NBEAL1: variants seen among roughly 807,000 people sequenced by gnomAD.
The protein encoded by NBEAL1 is neurobeachin-like protein 1.
In NBEAL1, 273 loss-of-function variants were observed where a neutral mutation model predicts 351.3. That is an observed-to-expected ratio of 0.78 (90% CI 0.70 to 0.86). NBEAL1 has a LOEUF of 0.86. Ranked by LOEUF, NBEAL1 falls within the 40% of genes least tolerant of loss-of-function variation. NBEAL1 has a pLI of 0.00. For synonymous variants in NBEAL1, 1,050 were observed against 1,086.4 expected (o/e 0.97, Z 0.66); for missense variants, 2,961 against 3,201.3 (o/e 0.92, Z 1.81).
chr2:203,184,299 C>T lies in NBEAL1; in HGVS notation c.6705+911C>T, dbSNP rs747352806. 9.6e-4 allele frequency among the ~76,000 whole-genome samples: 145 copies of T among 151,696 alleles called. 1 individual carries two copies. Among genetic ancestry groups the T allele is most frequent in the Non-Finnish European group, 1.8e-3 (121 of 67,970 alleles). On this transcript the variant is annotated intron_variant, in intron 44 of 55. Coordinates refer to ENST00000683969, the MANE Select transcript of NBEAL1 (RefSeq NM_001378026.1). Reference sequence around the variant, plus strand: ...TACAAAAATTAGGTGGGTGTGTTGGCGGGTGCCTGTAATCCCAGCTACTCA... The same window carrying T: ...TACAAAAATTAGGTGGGTGTGTTGGTGGGTGCCTGTAATCCCAGCTACTCA...
intron 7 of NBEAL1, among the ~76,000 whole-genome samples, chr2:203,074,453 G>A (rs901664084): frequency 6.6e-6 from 1 of 150,630 alleles, no homozygotes; most frequent in East Asian, 2.0e-4. Context: ...TCAGCCTCTC[G>A]AGTAGCTGGG....
At chr2:203,140,672 G>T (rs1450958733) in intron 31 of NBEAL1, among the ~76,000 whole-genome samples, 5 of 151,668 alleles carry the variant, frequency 3.3e-5, no homozygotes, top group African/African-American at 7.3e-5. Flanking sequence ...TATGAACTAA[G>T]AACTTAAAAA....
At chr2:203,111,881 A>T in intron 15 of NBEAL1, 98 bp from the exon 16 acceptor site, 1 of 1,310,052 alleles carries the variant, frequency 7.6e-7, no homozygotes, top group South Asian at 1.4e-5. Context: ...TTAACGTTCT[A>T]CTATTTGTAC....
intron 7 of NBEAL1, among the ~76,000 whole-genome samples, chr2:203,073,993 G>A (rs951665056): frequency 1.3e-5 from 2 of 152,060 alleles, no homozygotes; most frequent in Non-Finnish European, 2.9e-5. Context: ...ACAAAATTTC[G>A]GTTAGGAAGA....
At chr2:203,145,184 C>G (rs757102155) in intron 33 of NBEAL1, 24 bp downstream of exon 33, 1 of 1,582,928 alleles carries the variant, frequency 6.3e-7, no homozygotes. Context: ...GTTTTAATAT[C>G]TAGTTTTTCT....
intron 6 of NBEAL1, among the ~76,000 whole-genome samples, chr2:203,058,637 C>T (rs2061445514): frequency 6.6e-6 from 1 of 152,190 alleles, no homozygotes; most frequent in South Asian, 2.1e-4. Flanking sequence ...ACTGCCATTA[C>T]TACAATTAAG....
At chr2:203,048,632 A>G (rs2061270501) in intron 3 of NBEAL1, among the ~76,000 whole-genome samples, 1 of 152,148 alleles carries the variant, frequency 6.6e-6, no homozygotes, top group Admixed American at 6.5e-5. Flanking sequence ...CAGCGTCCAT[A>G]GGGAACTTCA....
intron 44 of NBEAL1, among the ~76,000 whole-genome samples, chr2:203,186,484 A>G (rs922056508): frequency 6.6e-6 from 1 of 152,240 alleles, no homozygotes; most frequent in Non-Finnish European, 1.5e-5. Context: ...ATAGCAATTC[A>G]GAATTCCAGT....
chr2:203,187,653 A>T (rs2064943784), intron 44 of NBEAL1, among the ~76,000 whole-genome samples: 1 of 151,692 alleles, frequency 6.6e-6, no homozygotes, highest in African/African-American at 2.4e-5. Flanking sequence ...AGGCAGGAGA[A>T]TCTCTTGAAC....
chr2:203,108,208 A>G lies in NBEAL1; in HGVS notation c.1949+20A>G, dbSNP rs1243450935. 13 of 1,462,100 alleles carry G rather than the reference A, an allele frequency of 8.9e-6. No individual in the cohort carries two copies. Among genetic ancestry groups the G allele is most frequent in the African/African-American group, 1.4e-5 (1 of 70,668 alleles). The allele number at this position is 1,462,100 out of a possible 1,614,324, so 90.6% of individuals were successfully genotyped here. ...GTACAGGTATTGGTAAAAATTATGG[A>G]ATATAAATGAATACTGTCATAACAA... On this transcript the variant is annotated intron_variant, in intron 14 of 55. Transcript: ENST00000683969.
rs1003349971 is a variant in NBEAL1, at chr2:203,221,510, A to G, written c.*4156A>G. On this transcript the variant is annotated 3_prime_UTR_variant, in exon 56 of 56. Transcript: ENST00000683969. ...ACCTATCTTTAGGATACAGTTTTTG[A>G]CTGGGATATAAGAAATGAAACATGT... Among the ~76,000 whole-genome samples, 2 of 152,002 alleles carry G rather than the reference A, an allele frequency of 1.3e-5. No individual in the cohort carries two copies. Among genetic ancestry groups the G allele is most frequent in the African/African-American group, 4.8e-5 (2 of 41,392 alleles).
chr2:203,061,691 T>G (rs2106107924), intron 6 of NBEAL1: 1 of 159,934 alleles, frequency 6.3e-6, no homozygotes, highest in Non-Finnish European at 1.4e-5. Flanking sequence ...TCGAAGGGCG[T>G]AGGAAGAAGC....
chr2:203,153,735 A>T (rs1340295005), intron 35 of NBEAL1, among the ~76,000 whole-genome samples: 1 of 152,162 alleles, frequency 6.6e-6, no homozygotes, highest in East Asian at 1.9e-4. Flanking sequence ...ACTATCATTA[A>T]CACCCAACAA....
At chr2:203,076,220 C>T (rs2061768796) in intron 7 of NBEAL1, among the ~76,000 whole-genome samples, 1 of 152,090 alleles carries the variant, frequency 6.6e-6, no homozygotes, top group Admixed American at 6.6e-5. Context: ...CAGTGGCTCA[C>T]CCTTGTACTC....
At chr2:203,199,660 T>C (rs1045000217) in intron 49 of NBEAL1, among the ~76,000 whole-genome samples, 12 of 152,022 alleles carry the variant, frequency 7.9e-5, no homozygotes, top group Admixed American at 6.6e-5. Context: ...TTTTTGTTGT[T>C]AGTAGAAATT....
chr2:203,084,725 TTAA>T (rs2061932806), intron 10 of NBEAL1, 156 bp downstream of exon 10: 1 of 455,078 alleles, frequency 2.2e-6, no homozygotes, highest in East Asian at 3.6e-5. Flanking sequence ...GAAACTAGTA[TTAA>T]ATCACTTGTA....
At chr2:203,163,247 A>G (rs900624747) in intron 36 of NBEAL1, among the ~76,000 whole-genome samples, 2 of 152,112 alleles carry the variant, frequency 1.3e-5, no homozygotes, top group African/African-American at 4.8e-5. Context: ...GGATACCATT[A>G]CTCTGAATAA....
At chr2:203,043,794 A>G (rs1443624713) in intron 3 of NBEAL1, among the ~76,000 whole-genome samples, 1 of 151,998 alleles carries the variant, frequency 6.6e-6, no homozygotes, top group Non-Finnish European at 1.5e-5. Flanking sequence ...ATGATGAGAA[A>G]GAGTATCTGG....
At chr2:203,108,620 G>A (rs535874179) in intron 14 of NBEAL1, among the ~76,000 whole-genome samples, 26 of 152,026 alleles carry the variant, frequency 1.7e-4, no homozygotes, top group Admixed American at 1.4e-3. Context: ...AGCCAGGATG[G>A]TCTCCATCTC....
Sources: allele counts gnomAD v4.1 joint callset (sites outside exome capture counted in the v4.1 genomes callset), GRCh38; gene constraint gnomAD v4.1.1; transcripts MANE v1.5; gene names NCBI Gene and HGNC (gene_info 2026-07-23, HGNC 2026-07-21).